The following SFXN5 variants were observed in gnomAD, a reference collection of about 807,000 sequenced individuals.
SFXN5 encodes the protein sideroflexin 5, also known as sideroflexin-5.
SFXN5 carries 43 observed loss-of-function variants against 50.2 expected under a neutral mutation model. The ratio of observed to expected loss-of-function variants is 0.86; its 90% CI spans 0.67 to 1.11. The LOEUF is 1.11. Ranked by LOEUF, SFXN5 falls within the 50% of genes least tolerant of loss-of-function variation. The pLI, the probability that SFXN5 is intolerant of heterozygous loss-of-function variation, is 0.00. For missense variants in SFXN5, 463 were observed against 454.1 expected, an observed-to-expected ratio of 1.02 and a Z score of -0.18; for synonymous variants, 203 against 185.8, an observed-to-expected ratio of 1.09 and a Z score of -0.75.
Position 72,945,462 on chromosome 2 carries a change from A to G in SFXN5, c.946-363T>C, listed in dbSNP as rs1291867365. 1.3e-5 allele frequency among the ~76,000 whole-genome samples: 2 copies of G among 151,690 alleles called. No homozygotes were observed. Among genetic ancestry groups the G allele is most frequent in the Admixed American group, 6.6e-5 (1 of 15,230 alleles). ...TGCCCAGGGCCATTCCCTGGACCTG[A>G]TGACCACCCAGGGCTGCTCCACCTC... is the stretch of plus-strand genomic sequence containing the variant. On this transcript the variant is annotated intron_variant, in intron 13 of 13. Coordinates refer to ENST00000272433, the MANE Select transcript of SFXN5 (RefSeq NM_144579.3). This position sits in a 1 kb window ranked among gnomAD's most constrained non-coding sequence, Gnocchi z 5.8.
chr2:73,052,001 C>T (rs1171122056), intron 2 of SFXN5, among the ~76,000 whole-genome samples: 1 of 152,184 alleles, frequency 6.6e-6, no homozygotes, highest in East Asian at 1.9e-4. Context: ...CAAACCATAG[C>T]TTATGAACTC....
chr2:72,983,387 C>G (rs1006003350), intron 10 of SFXN5, among the ~76,000 whole-genome samples: 1 of 152,176 alleles, frequency 6.6e-6, no homozygotes, highest in East Asian at 1.9e-4. Context: ...CTGGGGACGG[C>G]ACAGGAAGAA....
chr2:72,958,613 C>T (rs904371906), intron 13 of SFXN5, among the ~76,000 whole-genome samples: 9 of 152,244 alleles, frequency 5.9e-5, no homozygotes, highest in African/African-American at 1.9e-4. Flanking sequence ...GGCCTAGGAC[C>T]CTGGGCTCAG....
chr2:73,069,133 G>A (rs182483739), intron 1 of SFXN5, among the ~76,000 whole-genome samples: 2 of 152,254 alleles, frequency 1.3e-5, no homozygotes, highest in African/African-American at 2.4e-5. Flanking sequence ...CAGAAGCAGG[G>A]GAAGCCATTG....
chr2:72,955,734 C>T (rs1673020526), intron 13 of SFXN5, among the ~76,000 whole-genome samples: 1 of 152,212 alleles, frequency 6.6e-6, no homozygotes, highest in African/African-American at 2.4e-5. Context: ...CTGGACCCTG[C>T]ACATCTCCCT....
chr2:72,990,511 T>C (rs1473476707), intron 9 of SFXN5, among the ~76,000 whole-genome samples: 1 of 152,008 alleles, frequency 6.6e-6, no homozygotes, highest in Non-Finnish European at 1.5e-5. Context: ...GCAGTAGCAA[T>C]GAAGAGGAGG....
intron 11 of SFXN5, among the ~76,000 whole-genome samples, chr2:72,969,834 G>A (rs901584600): frequency 3.3e-5 from 5 of 152,120 alleles, no homozygotes; most frequent in African/African-American, 9.7e-5. Context: ...TGTCTGCAGG[G>A]TTTCCCTCGG....
At chr2:72,968,594 C>T (rs1476685496) in intron 11 of SFXN5, 61 bp from the exon 12 acceptor site, 2 of 1,501,430 alleles carry the variant, frequency 1.3e-6, no homozygotes, top group Non-Finnish European at 1.8e-6. Flanking sequence ...GACAGCACAC[C>T]ACCCAGAGCC....
At chr2:72,998,244 G>A (rs1291892858) in intron 9 of SFXN5, 4 of 152,252 alleles carry the variant, frequency 2.6e-5, no homozygotes, top group African/African-American at 9.7e-5. Flanking sequence ...GCGGGCTCAG[G>A]GGTGGGACAA....
At chr2:72,949,340 T>C (rs1672284397) in intron 13 of SFXN5, among the ~76,000 whole-genome samples, 2 of 151,828 alleles carry the variant, frequency 1.3e-5, no homozygotes, top group Admixed American at 1.3e-4. Flanking sequence ...TATTTTTTTC[T>C]TGGGATAGGA....
At chr2:72,970,151 G>A (rs1490745825) in intron 11 of SFXN5, among the ~76,000 whole-genome samples, 1 of 152,212 alleles carries the variant, frequency 6.6e-6, no homozygotes, top group Non-Finnish European at 1.5e-5. Context: ...CCCTCAGGGG[G>A]GCTGGGGAAA....
chr2:73,029,316 C>T (rs1007183514), intron 3 of SFXN5, among the ~76,000 whole-genome samples: 10 of 152,178 alleles, frequency 6.6e-5, no homozygotes, highest in Non-Finnish European at 1.3e-4. Flanking sequence ...TAACATTTGG[C>T]TCAATCTGAC....
At chr2:73,059,296 G>A in intron 1 of SFXN5, 3 of 985,672 alleles carry the variant, frequency 3.0e-6, no homozygotes, top group Non-Finnish European at 3.6e-6. Context: ...AGCCAGCTGG[G>A]CAAAGCTGAG....
At chr2:73,026,542 G>A (rs1677580370) in intron 3 of SFXN5, among the ~76,000 whole-genome samples, 1 of 152,124 alleles carries the variant, frequency 6.6e-6, no homozygotes, top group Non-Finnish European at 1.5e-5. Flanking sequence ...CTATGGCCTA[G>A]TGACCTTGTG....
intron 11 of SFXN5, among the ~76,000 whole-genome samples, chr2:72,970,153 C>T (rs1674981267): frequency 6.6e-6 from 1 of 152,118 alleles, no homozygotes; most frequent in African/African-American, 2.4e-5. Flanking sequence ...CTCAGGGGGG[C>T]TGGGGAAAAG....
rs1037008252 is a variant in SFXN5, at chr2:72,968,165, A to ACT, written c.827+282_827+283insAG. Among the ~76,000 whole-genome samples the ACT allele has an allele frequency of 2.0e-5, 3 of 148,566 alleles. No individual in the cohort carries two copies. The East Asian group carries it at 6.1e-4, about 30-fold the overall frequency. ...CACACACACACACACACACACACAC[A>ACT]CACAACTGCCAGCTCCTCAGGGGAG... On this transcript the variant is annotated intron_variant, in intron 12 of 13. Coordinates refer to ENST00000272433, the MANE Select transcript of SFXN5 (RefSeq NM_144579.3).
intron 2 of SFXN5, among the ~76,000 whole-genome samples, chr2:73,046,171 A>T (rs1451221925): frequency 1.3e-5 from 2 of 152,070 alleles, no homozygotes; most frequent in Admixed American, 1.3e-4. Flanking sequence ...CACTTTGGGA[A>T]GTTGAGGCAG....
chr2:72,964,861 C>T (rs1674181802), intron 12 of SFXN5, among the ~76,000 whole-genome samples: 1 of 152,196 alleles, frequency 6.6e-6, no homozygotes, highest in African/African-American at 2.4e-5. Context: ...CACCCAGACA[C>T]TAGGCAGGTC....
At chr2:72,959,692 G>A (rs1344942554) in intron 13 of SFXN5, among the ~76,000 whole-genome samples, 6 of 151,906 alleles carry the variant, frequency 3.9e-5, no homozygotes, top group South Asian at 4.2e-4. Context: ...TGATCCCCTC[G>A]TCTGTGCTCT....
Sources: gnomAD v4.1 joint callset for allele counts (sites outside exome capture counted in the v4.1 genomes callset) on GRCh38, gnomAD v4.1.1 for gene constraint, Gnocchi (gnomAD v3.1) non-coding constraint, MANE v1.5 for transcripts, NCBI Gene and HGNC (gene_info 2026-07-23, HGNC 2026-07-21) for gene names.